KCNQ5: variants seen among roughly 807,000 people sequenced by gnomAD.
KCNQ5 encodes the protein potassium voltage-gated channel subfamily KQT member 5.
KCNQ5 carries 30 observed loss-of-function variants against 98.2 expected under a neutral mutation model. That is an observed-to-expected ratio of 0.31 (90% CI 0.23 to 0.41). KCNQ5 has a LOEUF of 0.41. Among genes scored for constraint, KCNQ5 ranks in the 10% least tolerant of loss-of-function variants. The pLI, the probability that KCNQ5 is intolerant of heterozygous loss-of-function variation, is 1.00. For missense variants in KCNQ5, 835 were observed against 1,182.5 expected (o/e 0.71, Z 4.31); for synonymous variants, 458 against 449.4 (o/e 1.02, Z -0.24).
At chr6:72,876,206 C>G (rs943598360) in intron 1 of KCNQ5, among the ~76,000 whole-genome samples, 1 of 151,896 alleles carries the variant, frequency 6.6e-6, no homozygotes, top group African/African-American at 2.4e-5. Flanking sequence ...AAATTTAAAA[C>G]CAGTAATTTC....
chr6:73,148,896 G>C (rs1480730847), intron 10 of KCNQ5, among the ~76,000 whole-genome samples: 5 of 152,116 alleles, frequency 3.3e-5, no homozygotes, highest in African/African-American at 1.2e-4. Flanking sequence ...TCACCTCCTA[G>C]GGAAGCACTG....
intron 1 of KCNQ5, among the ~76,000 whole-genome samples, chr6:72,707,790 T>C (rs1422347173): frequency 6.6e-6 from 1 of 152,158 alleles, no homozygotes; most frequent in Non-Finnish European, 1.5e-5. Flanking sequence ...CATAGCTCCC[T>C]GCAACCTCTA....
chr6:73,148,902 C>T (rs1280502969), intron 10 of KCNQ5, among the ~76,000 whole-genome samples: 2 of 152,136 alleles, frequency 1.3e-5, no homozygotes, highest in African/African-American at 2.4e-5. Context: ...CCTAGGGAAG[C>T]ACTGAGAAGG....
intron 1 of KCNQ5, among the ~76,000 whole-genome samples, chr6:72,949,907 CA>C (rs1766720749): frequency 6.6e-6 from 1 of 152,004 alleles, no homozygotes. Context: ...GTAAGAAGAA[CA>C]AAAGTTCTTC....
chr6:72,825,427 GC>G (rs760392179), intron 1 of KCNQ5, among the ~76,000 whole-genome samples: 2 of 152,114 alleles, frequency 1.3e-5, no homozygotes, highest in Non-Finnish European at 2.9e-5. Flanking sequence ...TATCTCCCCA[GC>G]AACAAGAACA....
chr6:72,645,980 A>T (rs966217074), intron 1 of KCNQ5, among the ~76,000 whole-genome samples: 1 of 152,068 alleles, frequency 6.6e-6, no homozygotes. Flanking sequence ...CATGTGATGT[A>T]CTGTGCCCCT....
intron 1 of KCNQ5, among the ~76,000 whole-genome samples, chr6:72,843,692 G>A (rs960248660): frequency 1.3e-5 from 2 of 152,056 alleles, no homozygotes; most frequent in African/African-American, 2.4e-5. Context: ...TCCCATTACT[G>A]GGTATATACC....
chr6:73,073,650 T>C (rs1324157111), intron 3 of KCNQ5, among the ~76,000 whole-genome samples: 2 of 152,184 alleles, frequency 1.3e-5, no homozygotes, highest in African/African-American at 4.8e-5. Flanking sequence ...TGAATATTCA[T>C]TTTTAATACA....
At chr6:72,693,549 A>AG (rs910033772) in intron 1 of KCNQ5, among the ~76,000 whole-genome samples, 4 of 152,146 alleles carry the variant, frequency 2.6e-5, no homozygotes, top group Non-Finnish European at 4.4e-5. Flanking sequence ...GAGGAAAAAA[A>AG]GGGTAAGATT....
intron 1 of KCNQ5, among the ~76,000 whole-genome samples, chr6:72,922,204 A>T (rs1317952368): frequency 6.6e-6 from 1 of 152,196 alleles, no homozygotes; most frequent in Admixed American, 6.5e-5. Context: ...TATTCAATAG[A>T]TAAGAATATT....
At chr6:72,826,848 C>T (rs879418117) in intron 1 of KCNQ5, among the ~76,000 whole-genome samples, 9 of 151,964 alleles carry the variant, frequency 5.9e-5, no homozygotes, top group Non-Finnish European at 1.0e-4. Context: ...TTTTTATATC[C>T]TTTGACAAAT....
chr6:72,668,640 T>G (rs1472020836), intron 1 of KCNQ5, among the ~76,000 whole-genome samples: 2 of 151,964 alleles, frequency 1.3e-5, no homozygotes, highest in Non-Finnish European at 2.9e-5. Flanking sequence ...ATAGACTGGA[T>G]GGCTTAAACA....
intron 5 of KCNQ5, among the ~76,000 whole-genome samples, chr6:73,084,372 A>G (rs1434607138): frequency 6.6e-6 from 1 of 152,164 alleles, no homozygotes; most frequent in Admixed American, 6.5e-5. Flanking sequence ...GTTTTTCTTT[A>G]TAACAGTAAT....
At chr6:73,007,723 C>T (rs1328144877) in intron 2 of KCNQ5, among the ~76,000 whole-genome samples, 1 of 152,168 alleles carries the variant, frequency 6.6e-6, no homozygotes, top group Non-Finnish European at 1.5e-5. Context: ...AGAACTCTGT[C>T]CTCCAAATAT....
chr6:73,133,600 C>T lies in KCNQ5; in HGVS notation c.1427C>T (p.Ser476Leu). The T allele has an allele frequency of 6.2e-7, 1 of 1,614,198 alleles. No homozygotes were observed. The highest frequency in any genetic ancestry group is 8.5e-7 in the Non-Finnish European group (1 of 1,180,042). ...AACGACCGAACCCGCTTCCGGCCCT[C>T]GCTGCGCCTCAAAAGTTCTCAGCCA... ...SFNDRTRFRP[S>L]LRLKSSQPKP... Residue 476 changes from serine to leucine, a missense_variant, in exon 10 of 14, where the codon TCG becomes TTG. This residue lies in a region of KCNQ5 where 146 missense variants were observed against 256.7 expected (regional missense o/e 0.57). Coordinates refer to ENST00000370398, the MANE Select transcript of KCNQ5 (RefSeq NM_019842.4).
intron 1 of KCNQ5, among the ~76,000 whole-genome samples, chr6:72,860,376 A>G (rs539117201): frequency 6.6e-6 from 1 of 152,234 alleles, no homozygotes; most frequent in African/African-American, 2.4e-5. Context: ...GGTGGCGGAA[A>G]GATTTTAAAG....
At chr6:72,658,021 C>G (rs921259724) in intron 1 of KCNQ5, among the ~76,000 whole-genome samples, 8 of 152,124 alleles carry the variant, frequency 5.3e-5, no homozygotes, top group African/African-American at 1.7e-4. Flanking sequence ...GTTTTGTATT[C>G]TGGGCATCTG....
intron 10 of KCNQ5, among the ~76,000 whole-genome samples, chr6:73,166,416 A>G (rs559632762): frequency 5.4e-5 from 8 of 149,132 alleles, no homozygotes; most frequent in African/African-American, 1.5e-4. Flanking sequence ...AGCCTGGGTG[A>G]CAGAGTGAGA....
intron 9 of KCNQ5, among the ~76,000 whole-genome samples, chr6:73,132,777 C>T (rs1470949467): frequency 6.6e-6 from 1 of 152,204 alleles, no homozygotes; most frequent in Non-Finnish European, 1.5e-5. Context: ...CATCAGTCAT[C>T]ACATTCATTA....
Sources: gnomAD v4.1 joint callset for allele counts (sites outside exome capture counted in the v4.1 genomes callset) on GRCh38, gnomAD v4.1.1 for gene constraint, gnomAD v4.1.1 regional missense constraint, MANE v1.5 for transcripts, NCBI Gene and HGNC (gene_info 2026-07-23, HGNC 2026-07-21) for gene names.